Variants in LRP1B observed in about 807,000 individuals in gnomAD.
The protein encoded by LRP1B is low-density lipoprotein receptor-related protein 1B.
A neutral mutation model predicts 556.6 loss-of-function variants in LRP1B; 217 were observed. The ratio of observed to expected loss-of-function variants is 0.39; its 90% CI spans 0.35 to 0.44. The LOEUF (loss-of-function observed/expected upper bound fraction) is 0.44. LRP1B is among the 20% of genes least tolerant of loss of function. The probability of loss-of-function intolerance (pLI) is 1.00; values close to 1 mark genes in which losing one functional copy is unlikely to be tolerated. For synonymous variants in LRP1B, 2,047 were observed against 1,865.8 expected, an observed-to-expected ratio of 1.10 and a Z score of -2.50; for missense variants, 5,053 against 5,620.8, an observed-to-expected ratio of 0.90 and a Z score of 3.23.
chr2:140,347,570 C>T (rs141898263), intron 77 of LRP1B, among the ~76,000 whole-genome samples: 1 of 151,548 alleles, frequency 6.6e-6, no homozygotes, highest in East Asian at 1.9e-4. Flanking sequence ...TTTGATGCAA[C>T]AGATTTTCTA....
intron 1 of LRP1B, among the ~76,000 whole-genome samples, chr2:141,986,788 A>T (rs1446523010): frequency 6.6e-6 from 1 of 151,968 alleles, no homozygotes; most frequent in Admixed American, 6.6e-5. Context: ...CTCCTGAATG[A>T]TCACATTGGT....
intron 1 of LRP1B, among the ~76,000 whole-genome samples, chr2:142,107,616 G>GTTTTTTGTTT (rs112509749): frequency 7.3e-5 from 11 of 151,050 alleles, no homozygotes; most frequent in South Asian, 2.1e-4. Flanking sequence ...TCAATAATGT[G>GTTTTTTGTTT]TCTTTTGTTT....
intron 1 of LRP1B, among the ~76,000 whole-genome samples, chr2:141,820,319 G>C (rs879730572): frequency 6.6e-6 from 1 of 152,088 alleles, no homozygotes; most frequent in Non-Finnish European, 1.5e-5. Flanking sequence ...ATAATTAATA[G>C]AAATAGAAAA....
At chr2:141,867,879 G>T (rs1194119839) in intron 1 of LRP1B, among the ~76,000 whole-genome samples, 2 of 152,120 alleles carry the variant, frequency 1.3e-5, no homozygotes, top group Non-Finnish European at 2.9e-5. Flanking sequence ...CAAATTGAGA[G>T]TTAATTCACC....
At chr2:141,252,873 A>G (rs1684314392) in intron 4 of LRP1B, among the ~76,000 whole-genome samples, 1 of 152,166 alleles carries the variant, frequency 6.6e-6, no homozygotes, top group African/African-American at 2.4e-5. Context: ...GAGAAAGTAC[A>G]AAGATCTCCT....
intron 2 of LRP1B, among the ~76,000 whole-genome samples, chr2:141,808,766 C>G (rs1696243944): frequency 6.6e-6 from 1 of 152,066 alleles, no homozygotes. Flanking sequence ...CCCTACCTAG[C>G]CCCTGGCAAC....
rs772576449 is a variant in LRP1B at position 141,353,944 on chromosome 2, T to G, written c.344-99303A>C. 1.1e-4 allele frequency among the ~76,000 whole-genome samples: 16 copies of G among 151,986 alleles called. 1 individual carries two copies. The highest frequency in any genetic ancestry group is 2.2e-4 in the Non-Finnish European group (15 of 67,944). On this transcript the variant is annotated intron_variant, in intron 3 of 90. Transcript: ENST00000389484. ...TTAGTTAAGGTTCTTCTTCATGCTA[T>G]GTCATACTGATTTCTGAAGACAGTA...
chr2:141,729,662 A>C (rs1693193603), intron 2 of LRP1B, among the ~76,000 whole-genome samples: 1 of 152,178 alleles, frequency 6.6e-6, no homozygotes, highest in African/African-American at 2.4e-5. Context: ...CCAACCAATA[A>C]AATAATGATC....
At chr2:140,863,871 C>T (rs770072407) in intron 27 of LRP1B, among the ~76,000 whole-genome samples, 1 of 151,946 alleles carries the variant, frequency 6.6e-6, no homozygotes. Context: ...ACTATAAACT[C>T]CAGGAAGGTA....
chr2:141,302,371 G>C (rs1043496627), intron 3 of LRP1B, among the ~76,000 whole-genome samples: 1 of 152,062 alleles, frequency 6.6e-6, no homozygotes, highest in Non-Finnish European at 1.5e-5. Context: ...TACCCAAACA[G>C]TATTCCTTGT....
intron 1 of LRP1B, among the ~76,000 whole-genome samples, chr2:142,114,855 A>G (rs1205174015): frequency 1.3e-5 from 2 of 152,106 alleles, no homozygotes; most frequent in Non-Finnish European, 2.9e-5. Context: ...TAGGGTGACT[A>G]TAGTTAATAA....
intron 1 of LRP1B, among the ~76,000 whole-genome samples, chr2:142,083,883 A>G (rs1000862972): frequency 6.6e-6 from 1 of 152,186 alleles, no homozygotes; most frequent in African/African-American, 2.4e-5. Flanking sequence ...TGAGCTATGT[A>G]TTATAAAGAC....
At chr2:140,972,489 A>G (rs894443572) in intron 18 of LRP1B, among the ~76,000 whole-genome samples, 5 of 152,220 alleles carry the variant, frequency 3.3e-5, no homozygotes, top group African/African-American at 1.2e-4. Context: ...ATATGAGTTT[A>G]TCTTCCTATG....
At chr2:141,052,361 G>T (rs1183380612) in intron 10 of LRP1B, among the ~76,000 whole-genome samples, 1 of 151,806 alleles carries the variant, frequency 6.6e-6, no homozygotes, top group Non-Finnish European at 1.5e-5. Context: ...TTGGGATCTT[G>T]TATATAAATT....
chr2:140,644,969 T>C (rs993308881), intron 41 of LRP1B, among the ~76,000 whole-genome samples: 1 of 152,196 alleles, frequency 6.6e-6, no homozygotes, highest in African/African-American at 2.4e-5. Context: ...TAATGAATTG[T>C]TCAAGCCATT....
chr2:140,821,578 A>G (rs151105179), intron 31 of LRP1B, among the ~76,000 whole-genome samples: 1 of 152,342 alleles, frequency 6.6e-6, no homozygotes, highest in African/African-American at 2.4e-5. Flanking sequence ...TTTTATTTTG[A>G]TGTGGGAAAA....
rs1558937287 is a variant in LRP1B, at chr2:140,516,988, C to A, written c.8050G>T (p.Glu2684Ter). The change falls in exon 50 of 91, where the codon GAA becomes TAA. Residue 2684 changes from glutamate (E) to a stop codon, truncating the protein, a stop_gained. Transcript: ENST00000389484. LOFTEE classifies it high-confidence loss of function. ...CCACTAGGACAACTAAAATAATTTT[C>A]TTCACATTTGTGTTTGTTTTGAACT... ...CPVQNKHKCE[E>*]NYFSCPSGRC... 1.3e-6 allele frequency: 2 copies of A among 1,595,642 alleles called. No homozygotes were observed. The highest frequency in any genetic ancestry group is 1.7e-6 in the Non-Finnish European group (2 of 1,163,400).
intron 2 of LRP1B, among the ~76,000 whole-genome samples, chr2:141,730,678 G>A (rs139217107): frequency 3.9e-5 from 6 of 152,214 alleles, no homozygotes; most frequent in South Asian, 2.1e-4. Flanking sequence ...CAGAGGAAAC[G>A]TTTGTTTCAT....
intron 32 of LRP1B, among the ~76,000 whole-genome samples, chr2:140,804,691 ACT>A (rs1190528385): frequency 5.3e-5 from 6 of 113,924 alleles, no homozygotes; most frequent in African/African-American, 9.5e-5. Context: ...ATTAGCTGTA[ACT>A]CACATTTTTT....
Sources: allele counts gnomAD v4.1 joint callset (sites outside exome capture counted in the v4.1 genomes callset), GRCh38; gene constraint gnomAD v4.1.1; transcripts MANE v1.5; gene names NCBI Gene and HGNC (gene_info 2026-07-23, HGNC 2026-07-21).